The following SEC63 variants were observed in gnomAD, a reference collection of about 807,000 sequenced individuals.
SEC63 encodes the protein translocation protein SEC63 homolog.
SEC63 carries 56 observed loss-of-function variants against 116.2 expected under a neutral mutation model. The observed-to-expected ratio is 0.48, with a 90% CI of 0.39 to 0.60. The LOEUF (loss-of-function observed/expected upper bound fraction) is 0.60. Ranked by LOEUF, SEC63 falls within the 20% of genes least tolerant of loss-of-function variation. The probability of loss-of-function intolerance (pLI) is 0.00; values close to 1 mark genes in which losing one functional copy is unlikely to be tolerated. For missense variants in SEC63, 668 were observed against 900.0 expected (o/e 0.74, Z 3.30); for synonymous variants, 273 against 294.6 (o/e 0.93, Z 0.75).
chr6:107,897,373 T>C (rs1786878150), intron 14 of SEC63, among the ~76,000 whole-genome samples: 5 of 152,236 alleles, frequency 3.3e-5, no homozygotes, highest in Admixed American at 2.6e-4. Flanking sequence ...AACTTCTGTA[T>C]AGCACTTCAC....
In SEC63 at chr6:107,869,449, A is replaced by C. The variant is rs939326949; in HGVS notation, c.*2255T>G. 2 of 152,200 alleles carry C rather than the reference A, an allele frequency of 1.3e-5. No individual in the cohort carries two copies. Among genetic ancestry groups the C allele is most frequent in the African/African-American group, 4.8e-5 (2 of 41,454 alleles). The allele number at this position is 152,200 out of a possible 1,614,324, so 9.4% of individuals were successfully genotyped here. A position where few individuals can be genotyped will look rare whatever the true frequency, so the allele number is the denominator to read the frequency against. ...ACTTCCTATACACTGTATGATCTAT[A>C]GGCTCATCAATTGTTGACAAAATGT... On this transcript the variant is annotated 3_prime_UTR_variant, in exon 21 of 21. Transcript: ENST00000369002.
intron 4 of SEC63, among the ~76,000 whole-genome samples, chr6:107,914,922 G>A (rs893314606): frequency 6.6e-6 from 1 of 152,108 alleles, no homozygotes; most frequent in African/African-American, 2.4e-5. Flanking sequence ...AACCTACACA[G>A]ACCTACGAGT....
chr6:107,930,024 A>C (rs1292492746), intron 1 of SEC63: 1 of 158,934 alleles, frequency 6.3e-6, no homozygotes, highest in Non-Finnish European at 1.4e-5. Context: ...TGTAACATAA[A>C]ATCAACTTGC....
chr6:107,909,367 ACT>A (rs1034347263), intron 7 of SEC63, among the ~76,000 whole-genome samples: 20 of 147,954 alleles, frequency 1.4e-4, no homozygotes, highest in African/African-American at 3.8e-4. Context: ...ACAGAGGGAG[ACT>A]CTGTCTCAAA....
intron 1 of SEC63, 37 bp from the exon 2 acceptor site, chr6:107,929,551 T>C (rs757178271): frequency 1.6e-6 from 2 of 1,277,900 alleles, no homozygotes; most frequent in Non-Finnish European, 2.3e-6. Flanking sequence ...TTAAAAACCA[T>C]TTTTCACAAG....
chr6:107,905,127 A>C (rs1445928707), intron 10 of SEC63, among the ~76,000 whole-genome samples: 3 of 152,214 alleles, frequency 2.0e-5, no homozygotes, highest in African/African-American at 7.2e-5. Context: ...TTACAGAAAG[A>C]GAAAGACTCT....
intron 4 of SEC63, among the ~76,000 whole-genome samples, chr6:107,919,071 C>T (rs757448975): frequency 1.1e-4 from 16 of 152,070 alleles, no homozygotes; most frequent in Admixed American, 5.2e-4. Context: ...CCACCACACC[C>T]GGCTAAGTTT....
At chr6:107,943,367 T>C (rs1466063760) in intron 1 of SEC63, among the ~76,000 whole-genome samples, 1 of 152,226 alleles carries the variant, frequency 6.6e-6, no homozygotes, top group Non-Finnish European at 1.5e-5. Flanking sequence ...TGGTAGCAAA[T>C]GATAAAGCTG....
chr6:107,886,158 C>T (rs1377811672), intron 16 of SEC63, among the ~76,000 whole-genome samples: 9 of 152,112 alleles, frequency 5.9e-5, no homozygotes, highest in Non-Finnish European at 2.9e-5. Context: ...TGGTTTCCAA[C>T]GTCATCCATG....
intron 4 of SEC63, among the ~76,000 whole-genome samples, chr6:107,916,285 A>G (rs1787397827): frequency 6.6e-6 from 1 of 152,228 alleles, no homozygotes; most frequent in Non-Finnish European, 1.5e-5. Context: ...ACACTAACTG[A>G]AAGACAGTAA....
intron 16 of SEC63, among the ~76,000 whole-genome samples, chr6:107,888,639 A>G (rs550206294): frequency 1.3e-5 from 2 of 152,206 alleles, no homozygotes; most frequent in East Asian, 1.9e-4. Context: ...GTTGAATAGG[A>G]GTGGTGAGAG....
At chr6:107,873,990 TA>T (rs1786194140) in intron 19 of SEC63, among the ~76,000 whole-genome samples, 1 of 152,138 alleles carries the variant, frequency 6.6e-6, no homozygotes, top group African/African-American at 2.4e-5. Flanking sequence ...AACGATTGGG[TA>T]AAACACTGTT....
intron 16 of SEC63, among the ~76,000 whole-genome samples, chr6:107,890,463 T>C (rs1036277972): frequency 1.3e-5 from 2 of 152,226 alleles, no homozygotes; most frequent in South Asian, 2.1e-4. Flanking sequence ...TATGTGTGTC[T>C]TTTCACGTGA....
intron 6 of SEC63, among the ~76,000 whole-genome samples, chr6:107,911,684 T>C (rs549368842): frequency 1.2e-4 from 18 of 152,338 alleles, no homozygotes; most frequent in African/African-American, 4.3e-4. Flanking sequence ...AGAGCCTATG[T>C]TCATATCCAC....
intron 17 of SEC63, 32 bp downstream of exon 17, chr6:107,882,956 T>G (rs372608770): frequency 3.6e-6 from 5 of 1,372,174 alleles, no homozygotes; most frequent in Admixed American, 1.7e-5. Flanking sequence ...ATAATTCCAA[T>G]TATTTAAATT....
At chr6:107,935,439 T>C (rs1770212778) in intron 1 of SEC63, among the ~76,000 whole-genome samples, 1 of 151,290 alleles carries the variant, frequency 6.6e-6, no homozygotes, top group African/African-American at 2.4e-5. Context: ...CATTTTGTTC[T>C]GTACTAAGAA....
At chr6:107,953,649 A>G (rs1357499635) in intron 1 of SEC63, among the ~76,000 whole-genome samples, 1 of 121,628 alleles carries the variant, frequency 8.2e-6, no homozygotes, top group Non-Finnish European at 1.7e-5. Flanking sequence ...CCTACTGGCA[A>G]GTGAGGAGCC....
At chr6:107,874,332 C>G (rs1052256652) in intron 19 of SEC63, among the ~76,000 whole-genome samples, 1 of 152,146 alleles carries the variant, frequency 6.6e-6, no homozygotes, top group Non-Finnish European at 1.5e-5. Context: ...CGGTGGCTCA[C>G]GCCTGTAATC....
chr6:107,956,276 GT>G (rs1262026574), intron 1 of SEC63, among the ~76,000 whole-genome samples: 1 of 152,036 alleles, frequency 6.6e-6, no homozygotes, highest in East Asian at 1.9e-4. Context: ...ATACCTTTTT[GT>G]TTTCTACACT....
Sources: gnomAD v4.1 joint callset for allele counts (sites outside exome capture counted in the v4.1 genomes callset) on GRCh38, gnomAD v4.1.1 for gene constraint, MANE v1.5 for transcripts, NCBI Gene and HGNC (gene_info 2026-07-23, HGNC 2026-07-21) for gene names.